CADPS2: variants seen among roughly 807,000 people sequenced by gnomAD.
CADPS2 encodes calcium-dependent secretion activator 2.
In CADPS2, 93 loss-of-function variants were observed where a neutral mutation model predicts 172.5. That is an observed-to-expected ratio of 0.54 (90% CI 0.46 to 0.64). CADPS2 has a LOEUF of 0.64. Ranked by LOEUF, CADPS2 falls within the 30% of genes least tolerant of loss-of-function variation. The probability of loss-of-function intolerance (pLI) is 0.00; values close to 1 mark genes in which losing one functional copy is unlikely to be tolerated. For missense variants in CADPS2, 1,420 were observed against 1,565.9 expected (o/e 0.91, Z 1.57); for synonymous variants, 546 against 555.2 (o/e 0.98, Z 0.23).
At chr7:122,477,044 AGAGAGAGAAGAGAG>A (rs2056743468) in intron 12 of CADPS2, among the ~76,000 whole-genome samples, 1 of 57,054 alleles carries the variant, frequency 1.8e-5, no homozygotes, top group Admixed American at 1.9e-4. Flanking sequence ...AGAGGAGAGG[AGAGAGAGAAGAGAG>A]AGAGAGAGAG....
intron 8 of CADPS2, among the ~76,000 whole-genome samples, chr7:122,527,810 G>A (rs1040958733): frequency 3.3e-5 from 5 of 151,918 alleles, no homozygotes; most frequent in Non-Finnish European, 5.9e-5. Context: ...CATTCATTAC[G>A]GTAATGAATA....
chr7:122,701,368 C>A (rs2086051255), intron 2 of CADPS2, among the ~76,000 whole-genome samples: 1 of 152,018 alleles, frequency 6.6e-6, no homozygotes. Context: ...CATGTTCTCA[C>A]TCATAGGTGG....
At chr7:122,328,698 T>C (rs2034378619) in intron 28 of CADPS2, 1 of 152,208 alleles carries the variant, frequency 6.6e-6, no homozygotes, top group Non-Finnish European at 1.5e-5. Flanking sequence ...TCACTGCATT[T>C]TCTTGAGATA....
chr7:122,480,918 T>C (rs1238531953), intron 11 of CADPS2, 58 bp from the exon 12 acceptor site: 13 of 1,305,392 alleles, frequency 1.0e-5, no homozygotes, highest in Middle Eastern at 1.9e-4. Flanking sequence ...GGGAACTATA[T>C]ACTTATACAA....
chr7:122,790,547 T>C lies in CADPS2; in HGVS notation c.340-53479A>G, dbSNP rs553717166. Reference sequence around the variant, plus strand: ...ATTGTTGCAAATAAAGACTGTATAGTAATAAATTTAAAACAGGAACTACAG... The same window carrying C: ...ATTGTTGCAAATAAAGACTGTATAGCAATAAATTTAAAACAGGAACTACAG... On this transcript the variant is annotated intron_variant, in intron 1 of 29. Transcript: ENST00000449022. 5.9e-5 allele frequency among the ~76,000 whole-genome samples: 9 copies of C among 152,224 alleles called. No individual in the cohort carries two copies. The South Asian group carries it at 1.9e-3, about 32-fold the overall frequency.
At chr7:122,543,736 A>G (rs2063335844) in intron 8 of CADPS2, among the ~76,000 whole-genome samples, 1 of 152,148 alleles carries the variant, frequency 6.6e-6, no homozygotes, top group African/African-American at 2.4e-5. Flanking sequence ...TTGTCTCTTA[A>G]TCTGAAATTC....
intron 1 of CADPS2, among the ~76,000 whole-genome samples, chr7:122,770,266 T>C (rs114598019): frequency 4.6e-5 from 7 of 152,204 alleles, no homozygotes; most frequent in South Asian, 2.1e-4. Context: ...CCCTATATCA[T>C]GCAAATCATG....
At chr7:122,417,895 G>C (rs1485850850) in intron 17 of CADPS2, among the ~76,000 whole-genome samples, 1 of 152,172 alleles carries the variant, frequency 6.6e-6, no homozygotes, top group East Asian at 1.9e-4. Context: ...GTGCATTTTG[G>C]AGGAAGGTGG....
Position 122,467,488 on chromosome 7 carries a change from G to A in CADPS2, c.2186+3887C>T, listed in dbSNP as rs548488102. Among the ~76,000 whole-genome samples, 4 of 152,200 alleles carry A rather than the reference G, an allele frequency of 2.6e-5. No homozygotes were observed. The East Asian group carries it at 7.7e-4, about 29-fold the overall frequency. ...GATGATTTGACTGATGCCCATTAAG[G>A]TTACTTAACAACTTTGTGATATAAT... On this transcript the variant is annotated intron_variant, in intron 14 of 29. Coordinates refer to ENST00000449022, the MANE Select transcript of CADPS2 (RefSeq NM_017954.11).
rs1280403728 is a variant in CADPS2, at chr7:122,387,150, T to C, written c.3188A>G (p.Lys1063Arg). The change falls in exon 24 of 30, where the codon AAG becomes AGG. Residue 1063 changes from lysine (K) to arginine (R), a missense_variant. Lys to Arg is a conservative substitution (Grantham distance 26). Transcript: ENST00000449022. The stretch of plus-strand genomic sequence containing the variant: ...AGTTGTTTTGCTTGCCTTTTGTAGC[T>C]TGAGTTCAAATGCAGTTCTTGTTCT... ...VKRTRTAFEL[K>R]LQKASKTTDL... 10 of 1,580,686 alleles carry C rather than the reference T, an allele frequency of 6.3e-6. No homozygotes were observed. The highest frequency in any genetic ancestry group is 1.7e-4 in the Middle Eastern group (1 of 6,016).
chr7:122,874,526 A>C (rs2141582352), intron 1 of CADPS2, among the ~76,000 whole-genome samples: 1 of 152,340 alleles, frequency 6.6e-6, no homozygotes, highest in East Asian at 1.9e-4. Flanking sequence ...AGAATTAGAA[A>C]AAACTACTTT....
intron 14 of CADPS2, among the ~76,000 whole-genome samples, chr7:122,462,920 C>A (rs1202200961): frequency 6.6e-6 from 1 of 152,158 alleles, no homozygotes; most frequent in Non-Finnish European, 1.5e-5. Flanking sequence ...TTGAGACCAA[C>A]CTGTGTGACA....
chr7:122,801,323 T>G (rs1312087930), intron 1 of CADPS2, among the ~76,000 whole-genome samples: 3 of 152,086 alleles, frequency 2.0e-5, no homozygotes, highest in Non-Finnish European at 4.4e-5. Flanking sequence ...CAGATATGCT[T>G]AAGTGGTCCA....
Position 122,416,116 on chromosome 7 carries a change from TGAA to T in CADPS2, c.2522_2524del (p.Leu841del). 1 of 1,555,146 alleles carries T rather than the reference TGAA, an allele frequency of 6.4e-7. No individual in the cohort carries two copies. Among genetic ancestry groups the T allele is most frequent in the Non-Finnish European group, 8.7e-7 (1 of 1,145,938 alleles). On this transcript the variant is annotated inframe_deletion, in exon 18 of 30. Transcript: ENST00000449022. ...GACTTCTATGCAGAGCTCTGCCAGA[TGAA>T]GAATCTCTTCCAGCTTTCTAGCAGG...
intron 14 of CADPS2, among the ~76,000 whole-genome samples, chr7:122,452,398 T>C (rs765730239): frequency 3.4e-4 from 52 of 152,218 alleles, no homozygotes; most frequent in Admixed American, 6.5e-5. Context: ...ATTAGTTTAT[T>C]TGTTCATTTA....
chr7:122,677,207 G>A (rs148861014), intron 2 of CADPS2, among the ~76,000 whole-genome samples: 7 of 152,220 alleles, frequency 4.6e-5, no homozygotes, highest in Non-Finnish European at 8.8e-5. Flanking sequence ...ATAAATACTA[G>A]TGAGAATTTC....
intron 2 of CADPS2, chr7:122,698,973 C>T: frequency 2.5e-6 from 3 of 1,223,942 alleles, no homozygotes; most frequent in Non-Finnish European, 3.4e-6. Flanking sequence ...CATCTGTTGA[C>T]AATTAATTTA....
intron 2 of CADPS2, chr7:122,698,768 G>C (rs749471581): frequency 6.2e-7 from 1 of 1,613,772 alleles, no homozygotes; most frequent in African/African-American, 1.3e-5. Flanking sequence ...GACAACACAT[G>C]ATTCCCAACA....
At chr7:122,349,574 G>A (rs1423264332) in intron 27 of CADPS2, among the ~76,000 whole-genome samples, 1 of 152,098 alleles carries the variant, frequency 6.6e-6, no homozygotes, top group Non-Finnish European at 1.5e-5. Context: ...TCCCCCATGA[G>A]CACAAAGGGA....
Sources: gnomAD v4.1 joint callset for allele counts (sites outside exome capture counted in the v4.1 genomes callset) on GRCh38, gnomAD v4.1.1 for gene constraint, MANE v1.5 for transcripts, NCBI Gene and HGNC (gene_info 2026-07-23, HGNC 2026-07-21) for gene names.